The following UNC5A variants were observed in gnomAD, a reference collection of about 807,000 sequenced individuals.
UNC5A encodes unc-5 netrin receptor A.
UNC5A carries 20 observed loss-of-function variants against 87.4 expected under a neutral mutation model. That is an observed-to-expected ratio of 0.23 (90% CI 0.16 to 0.33). The LOEUF is 0.33. Among genes scored for constraint, UNC5A ranks in the 10% least tolerant of loss-of-function variants. The probability of loss-of-function intolerance (pLI) is 1.00; values close to 1 mark genes in which losing one functional copy is unlikely to be tolerated. For missense variants in UNC5A, 844 were observed against 1,133.4 expected, an observed-to-expected ratio of 0.74 and a Z score of 3.67; for synonymous variants, 438 against 482.3, an observed-to-expected ratio of 0.91 and a Z score of 1.20.
intron 1 of UNC5A, among the ~76,000 whole-genome samples, chr5:176,812,673 T>C (rs1344015844): frequency 6.6e-6 from 1 of 152,156 alleles, no homozygotes; most frequent in African/African-American, 2.4e-5. Context: ...AGGGCATCTG[T>C]TGAGGCCTGG....
chr5:176,863,872 C>T (rs1393566858), intron 2 of UNC5A, among the ~76,000 whole-genome samples: 1 of 141,574 alleles, frequency 7.1e-6, no homozygotes, highest in Non-Finnish European at 1.5e-5. Context: ...ACCTTTCCTC[C>T]TCCTCCTCAC....
chr5:176,879,269 G>A (rs1758353055), intron 13 of UNC5A, 41 bp from the exon 14 acceptor site: 2 of 1,532,942 alleles, frequency 1.3e-6, no homozygotes, highest in South Asian at 2.5e-5. Flanking sequence ...CCCGGGCCTG[G>A]GGAAAGTTCT....
chr5:176,874,398 G>C lies in UNC5A; in HGVS notation c.1210G>C (p.Gly404Arg). Residue 404 changes from glycine to arginine, a missense_variant, in exon 8 of 15, where the codon GGT becomes CGT. By Grantham distance (125) the Gly-to-Arg change is moderately radical. Transcript: ENST00000329542. This position sits in a 1 kb window ranked among gnomAD's most constrained non-coding sequence, Gnocchi z 7.6. ...LTNGHLLSPL[G>R]GGRHTLHHSS... ...CAATGGGCACCTGCTCAGCCCCCTGGGTGGCGGCCGCCACACACTGCACCA... is the reference window on the plus strand; with the variant it reads ...CAATGGGCACCTGCTCAGCCCCCTGCGTGGCGGCCGCCACACACTGCACCA... The C allele has an allele frequency of 6.2e-7, 1 of 1,613,576 alleles. No homozygotes were observed.
Position 176,879,956 on chromosome 5 carries a change from A to G in UNC5A, c.*70A>G, listed in dbSNP as rs1205971485. The stretch of plus-strand genomic sequence containing the variant: ...CACCAAGGACAGGCAGAAGCCGGAC[A>G]GGGGCCCTTCCCCACACCGGGGAGA... On this transcript the variant is annotated 3_prime_UTR_variant, in exon 15 of 15. Coordinates refer to ENST00000329542, the MANE Select transcript of UNC5A (RefSeq NM_133369.3). 1 of 1,525,856 alleles carries G rather than the reference A, an allele frequency of 6.6e-7. No individual in the cohort carries two copies. Among genetic ancestry groups the G allele is most frequent in the African/African-American group, 1.4e-5 (1 of 72,790 alleles). 94.5% of individuals were successfully genotyped at this position (1,525,856 alleles called of 1,614,324 possible).
intron 1 of UNC5A, among the ~76,000 whole-genome samples, chr5:176,817,901 G>C (rs1307592023): frequency 6.6e-6 from 1 of 151,874 alleles, no homozygotes; most frequent in Non-Finnish European, 1.5e-5. Flanking sequence ...TGCAAACTCC[G>C]GCGGCCAAGC....
chr5:176,837,953 T>C (rs1488253270), intron 1 of UNC5A, among the ~76,000 whole-genome samples: 3 of 152,174 alleles, frequency 2.0e-5, no homozygotes, highest in Admixed American at 6.5e-5. Flanking sequence ...AGAGAATTCA[T>C]TTATCCATCC....
intron 1 of UNC5A, among the ~76,000 whole-genome samples, chr5:176,828,807 G>A (rs1440636401): frequency 6.6e-6 from 1 of 152,044 alleles, no homozygotes; most frequent in Non-Finnish European, 1.5e-5. Flanking sequence ...CTGGGTGGAT[G>A]GGTGGATGGG....
Position 176,878,092 on chromosome 5 carries a change from G to C in UNC5A, c.1834G>C (p.Val612Leu). 1 of 1,609,602 alleles carries C rather than the reference G, an allele frequency of 6.2e-7. No homozygotes were observed. Among genetic ancestry groups the C allele is most frequent in the Non-Finnish European group, 8.5e-7 (1 of 1,179,926 alleles). The stretch of plus-strand genomic sequence containing the variant: ...CACCTCCCTCGAGTACAACATCCGG[G>C]TCTACTGCCTGCATGACACCCACGA... ...ACTSLEYNIR[V>L]YCLHDTHDAL... The change falls in exon 11 of 15, where the codon GTC (valine) becomes CTC (leucine). Residue 612 changes from valine (V) to leucine (L), a missense_variant. Val to Leu is a conservative substitution (Grantham distance 32). This residue lies in a region of UNC5A where 353 missense variants were observed against 387.5 expected (regional missense o/e 0.91). Coordinates refer to ENST00000329542, the MANE Select transcript of UNC5A (RefSeq NM_133369.3).
rs1435008600 is a variant in UNC5A at position 176,869,806 on chromosome 5, A to G, written c.722-564A>G. ...GGTACCAGCGGCCACCGCCTCCCGC[A>G]TCGTTCCTCACCACGCCATCTCCGT... On this transcript the variant is annotated intron_variant, in intron 5 of 14. Transcript: ENST00000329542. The surrounding 1 kb of genome is among the most constrained non-coding windows in gnomAD (Gnocchi z 9.1). 1.4e-4 allele frequency: 85 copies of G among 586,830 alleles called. No individual in the cohort carries two copies. The East Asian group carries it at 2.5e-3, about 17-fold the overall frequency. 36.4% of individuals were successfully genotyped at this position (586,830 alleles called of 1,614,324 possible). A position where few individuals can be genotyped will look rare whatever the true frequency, so the allele number is the denominator to read the frequency against.
At chr5:176,870,572 C>T in intron 6 of UNC5A, 38 bp downstream of exon 6, 1 of 1,540,600 alleles carries the variant, frequency 6.5e-7, no homozygotes, top group Non-Finnish European at 8.8e-7. Context: ...TTCTGTTTGC[C>T]TGGATTGGCC....
intron 1 of UNC5A, among the ~76,000 whole-genome samples, chr5:176,829,231 A>AGATG (rs201421794): frequency 0.024 from 2,217 of 91,422 alleles, 82 homozygotes; most frequent in African/African-American, 0.072. Context: ...GATGTATGAA[A>AGATG]GATGGATGGA....
chr5:176,877,660 G>A lies in UNC5A; in HGVS notation c.1592G>A (p.Trp531Ter). Residue 531 changes from tryptophan (W) to a stop codon, truncating the protein, a stop_gained, in exon 10 of 15, where the codon TGG becomes TAG. Transcript: ENST00000329542. LOFTEE classifies it high-confidence loss of function. Reference sequence around the variant, plus strand: ...TGTGGGGAGCCCAGCCCTGACAGCTGGAGCCTGCGCCTCAAAAAGCAGTCG... The same window carrying A: ...TGTGGGGAGCCCAGCCCTGACAGCTAGAGCCTGCGCCTCAAAAAGCAGTCG... ...DHCGEPSPDS[W>*]SLRLKKQSCE... The A allele has an allele frequency of 6.2e-7, 1 of 1,611,054 alleles. No individual in the cohort carries two copies. The highest frequency in any genetic ancestry group is 8.5e-7 in the Non-Finnish European group (1 of 1,178,544).
intron 1 of UNC5A, among the ~76,000 whole-genome samples, chr5:176,827,179 C>CTTTTT (rs35306601): frequency 1.7e-4 from 18 of 107,570 alleles, no homozygotes; most frequent in East Asian, 8.0e-4. Context: ...TGCTTCATTC[C>CTTTTT]TTTTTTTTTT....
In UNC5A at chr5:176,813,009, G is replaced by A. The variant is rs182525994; in HGVS notation, c.70+2189G>A. On this transcript the variant is annotated intron_variant, in intron 1 of 14. Transcript: ENST00000329542. ...GGATGGCCAGCGGGCAGCAGGGGGC[G>A]CCGGGGGCCAGCGCGACTGACTGCA... 2.6e-4 allele frequency among the ~76,000 whole-genome samples: 39 copies of A among 152,336 alleles called. 1 individual carries two copies. In the East Asian group the frequency reaches 6.6e-3, roughly 26 times the overall value.
In UNC5A at chr5:176,878,123, T is replaced by G. The variant is rs757080594; in HGVS notation, c.1865T>G (p.Leu622Arg). ...TGCCTGCATGACACCCACGATGCAC[T>G]CAAGGTATCTCCCGCCCCTCACCCC... Reference protein sequence around the residue: ...VYCLHDTHDALKEVVQLEKQL... With the variant: ...VYCLHDTHDARKEVVQLEKQL... Residue 622 changes from leucine (L) to arginine (R), a missense_variant, in exon 11 of 15, where the codon CTC becomes CGC. Transcript: ENST00000329542. The G allele has an allele frequency of 1.2e-6, 2 of 1,607,612 alleles. No homozygotes were observed. Among genetic ancestry groups the G allele is most frequent in the Non-Finnish European group, 1.7e-6 (2 of 1,179,562 alleles).
At chr5:176,829,612 T>A (rs1456089131) in intron 1 of UNC5A, among the ~76,000 whole-genome samples, 1 of 134,756 alleles carries the variant, frequency 7.4e-6, no homozygotes, top group Non-Finnish European at 1.6e-5. Flanking sequence ...GGTGGGTGGA[T>A]GGGTGGGAGG....
chr5:176,872,738 C>T (rs1758154492), intron 6 of UNC5A, among the ~76,000 whole-genome samples: 2 of 119,956 alleles, frequency 1.7e-5, no homozygotes, highest in Non-Finnish European at 3.5e-5. Flanking sequence ...CACAGCTTCA[C>T]ATCTGCCCAC....
chr5:176,876,893 G>A (rs1561670593), intron 8 of UNC5A, among the ~76,000 whole-genome samples: 1 of 152,210 alleles, frequency 6.6e-6, no homozygotes, highest in Non-Finnish European at 1.5e-5. Context: ...CCCCTCCAGT[G>A]CCTTTCAGGG....
At position 176,848,187 on chromosome 5, in the gene UNC5A, C is replaced by T. The variant is rs1180858597; in HGVS notation, c.71-14437C>T. On this transcript the variant is annotated intron_variant, in intron 1 of 14. Coordinates refer to ENST00000329542, the MANE Select transcript of UNC5A (RefSeq NM_133369.3). The surrounding 1 kb of genome is among the most constrained non-coding windows in gnomAD (Gnocchi z 5.8). ...TTTCCACGTTAGCACCACCGCCCCC[C>T]GCACCCAGATCCCTCCGCCCCTCAG... Among the ~76,000 whole-genome samples, 1 of 152,124 alleles carries T rather than the reference C, an allele frequency of 6.6e-6. No individual in the cohort carries two copies. The highest frequency in any genetic ancestry group is 1.5e-5 in the Non-Finnish European group (1 of 68,028).
Sources: gnomAD v4.1 joint callset for allele counts (sites outside exome capture counted in the v4.1 genomes callset) on GRCh38, gnomAD v4.1.1 for gene constraint, gnomAD v4.1.1 regional missense constraint, Gnocchi (gnomAD v3.1) non-coding constraint, MANE v1.5 for transcripts, NCBI Gene and HGNC (gene_info 2026-07-23, HGNC 2026-07-21) for gene names.